Variants in MNAT1 observed in about 807,000 individuals in gnomAD.
MNAT1 encodes the protein CDK-activating kinase assembly factor MAT1.
In MNAT1, 43 loss-of-function variants were observed where a neutral mutation model predicts 42.0. The ratio of observed to expected loss-of-function variants is 1.02; its 90% CI spans 0.80 to 1.32. MNAT1 has a LOEUF of 1.32. Among genes scored for constraint, MNAT1 ranks in the 40% most tolerant of loss-of-function variants. The probability of loss-of-function intolerance (pLI) is 0.00; values close to 1 mark genes in which losing one functional copy is unlikely to be tolerated. For missense variants in MNAT1, 306 were observed against 350.4 expected (o/e 0.87, Z 1.01); for synonymous variants, 118 against 120.0 (o/e 0.98, Z 0.11).
At chr14:60,920,583 C>T (rs1369240263) in intron 7 of MNAT1, among the ~76,000 whole-genome samples, 1 of 151,968 alleles carries the variant, frequency 6.6e-6, no homozygotes, top group Non-Finnish European at 1.5e-5. Flanking sequence ...GTAATCATTA[C>T]AGGCCCACCA....
intron 6 of MNAT1, among the ~76,000 whole-genome samples, chr14:60,859,120 G>T (rs1006185548): frequency 6.6e-6 from 1 of 152,178 alleles, no homozygotes; most frequent in South Asian, 2.1e-4. Context: ...TGCATTAATA[G>T]ATACATTGAA....
At chr14:60,762,737 G>A (rs2030660093) in intron 1 of MNAT1, among the ~76,000 whole-genome samples, 1 of 148,084 alleles carries the variant, frequency 6.8e-6, no homozygotes, top group Non-Finnish European at 1.5e-5. Flanking sequence ...ACATTGTGTG[G>A]TAAAATGATT....
intron 6 of MNAT1, among the ~76,000 whole-genome samples, chr14:60,872,292 C>T (rs2034342264): frequency 6.6e-6 from 1 of 152,166 alleles, no homozygotes; most frequent in East Asian, 1.9e-4. Flanking sequence ...ATGAAGGCTC[C>T]AGTCCCATGA....
chr14:60,797,353 G>A (rs2032051847), intron 2 of MNAT1, among the ~76,000 whole-genome samples: 1 of 151,828 alleles, frequency 6.6e-6, no homozygotes, highest in South Asian at 2.1e-4. Flanking sequence ...TCTTGATCCA[G>A]TATTTTTTAG....
At chr14:60,844,723 T>C (rs1233975362) in intron 6 of MNAT1, among the ~76,000 whole-genome samples, 1 of 152,074 alleles carries the variant, frequency 6.6e-6, no homozygotes, top group Non-Finnish European at 1.5e-5. Flanking sequence ...AGAGAAATCA[T>C]TTAGTCTTTT....
At chr14:60,770,837 T>C (rs1173514283) in intron 1 of MNAT1, among the ~76,000 whole-genome samples, 1 of 152,242 alleles carries the variant, frequency 6.6e-6, no homozygotes, top group Non-Finnish European at 1.5e-5. Flanking sequence ...GTTATATTTT[T>C]GATATTCACA....
At chr14:60,948,576 T>C (rs2036325331) in intron 7 of MNAT1, among the ~76,000 whole-genome samples, 3 of 152,228 alleles carry the variant, frequency 2.0e-5, no homozygotes, top group Non-Finnish European at 4.4e-5. Flanking sequence ...ATTATCATTT[T>C]CCTTTCATGT....
At position 60,765,392 on chromosome 14, in the gene MNAT1, G is replaced by C. The variant is rs191520601; in HGVS notation, c.89+30441G>C. ...TGTCGGTGGGTTGGGGGCTAGTTGAGGGATAGCATTAGGAGAAATACCTGA... is the reference window on the plus strand; with the variant it reads ...TGTCGGTGGGTTGGGGGCTAGTTGACGGATAGCATTAGGAGAAATACCTGA... On this transcript the variant is annotated intron_variant, in intron 1 of 7. Transcript: ENST00000261245. 1.7e-3 allele frequency among the ~76,000 whole-genome samples: 262 copies of C among 152,274 alleles called. 1 individual carries two copies. The highest frequency in any genetic ancestry group is 5.6e-3 in the African/African-American group (232 of 41,538).
chr14:60,882,091 G>A lies in MNAT1; in HGVS notation c.809+2256G>A, dbSNP rs183322522. On this transcript the variant is annotated intron_variant, in intron 7 of 7. Transcript: ENST00000261245. ...CAGGAGAATCACTTGAACCTGGGAGGCAGAGGTTGCAGTGAGCCAAGATTG... is the reference window on the plus strand; with the variant it reads ...CAGGAGAATCACTTGAACCTGGGAGACAGAGGTTGCAGTGAGCCAAGATTG... Among the ~76,000 whole-genome samples, 191 of 152,280 alleles carry A rather than the reference G, an allele frequency of 1.3e-3. 2 individuals are homozygous for A. In the Middle Eastern group the frequency reaches 0.017, roughly 14 times the overall value.
At chr14:60,854,798 G>A (rs1271306235) in intron 6 of MNAT1, among the ~76,000 whole-genome samples, 1 of 152,210 alleles carries the variant, frequency 6.6e-6, no homozygotes, top group Non-Finnish European at 1.5e-5. Context: ...ACTTGAGCAG[G>A]CAGTCTGTCC....
chr14:60,902,918 C>T (rs951674627), intron 7 of MNAT1, among the ~76,000 whole-genome samples: 1 of 151,666 alleles, frequency 6.6e-6, no homozygotes, highest in Non-Finnish European at 1.5e-5. Context: ...AGGTGAATAT[C>T]TGGGTTTTTA....
chr14:60,932,227 C>T (rs1335841271), intron 7 of MNAT1, among the ~76,000 whole-genome samples: 4 of 151,818 alleles, frequency 2.6e-5, no homozygotes, highest in Non-Finnish European at 1.5e-5. Flanking sequence ...GCTCATATTT[C>T]TTAAATTTTT....
intron 1 of MNAT1, among the ~76,000 whole-genome samples, chr14:60,785,864 C>T (rs1222654173): frequency 6.6e-6 from 1 of 152,042 alleles, no homozygotes; most frequent in Middle Eastern, 3.2e-3. Flanking sequence ...ATAGAAATAG[C>T]ATCTTGACTA....
intron 7 of MNAT1, among the ~76,000 whole-genome samples, chr14:60,898,311 T>C (rs1203480063): frequency 6.6e-6 from 1 of 152,138 alleles, no homozygotes; most frequent in Non-Finnish European, 1.5e-5. Flanking sequence ...TGCTGGATCA[T>C]ATAGTTCTAT....
chr14:60,750,269 C>T (rs1488890869), intron 1 of MNAT1, among the ~76,000 whole-genome samples: 2 of 151,560 alleles, frequency 1.3e-5, no homozygotes, highest in African/African-American at 4.8e-5. Context: ...TTCTGTCGCC[C>T]AGGCTGGAGT....
intron 6 of MNAT1, among the ~76,000 whole-genome samples, chr14:60,866,903 TATA>T (rs1297316790): frequency 2.0e-5 from 3 of 152,232 alleles, no homozygotes; most frequent in African/African-American, 7.2e-5. Context: ...TTTATATTGA[TATA>T]ATAAGAATTC....
At chr14:60,905,562 C>T (rs573417423) in intron 7 of MNAT1, among the ~76,000 whole-genome samples, 3 of 152,114 alleles carry the variant, frequency 2.0e-5, no homozygotes, top group Non-Finnish European at 4.4e-5. Flanking sequence ...GTATAACTCA[C>T]GCTGAATCCA....
At chr14:60,943,972 G>T (rs1274191033) in intron 7 of MNAT1, among the ~76,000 whole-genome samples, 1 of 152,162 alleles carries the variant, frequency 6.6e-6, no homozygotes, top group Non-Finnish European at 1.5e-5. Context: ...TATATAGGAT[G>T]AACAAATTAT....
rs188783487 is a variant in MNAT1 at position 60,938,412 on chromosome 14, A to G, written c.810-29817A>G. ...TTGAGATATGTCCCATCAATAACTA[A>G]TTTATTGAGAGTTTTTAGCATGAAG... is the stretch of plus-strand genomic sequence containing the variant. On this transcript the variant is annotated intron_variant, in intron 7 of 7. Coordinates refer to ENST00000261245, the MANE Select transcript of MNAT1 (RefSeq NM_002431.4). Among the ~76,000 whole-genome samples, 138 of 152,202 alleles carry G rather than the reference A, an allele frequency of 9.1e-4. 2 individuals are homozygous for G. Among genetic ancestry groups the G allele is most frequent in the African/African-American group, 3.1e-3 (128 of 41,524 alleles).
Sources: allele counts gnomAD v4.1 joint callset (sites outside exome capture counted in the v4.1 genomes callset), GRCh38; gene constraint gnomAD v4.1.1; transcripts MANE v1.5; gene names NCBI Gene and HGNC (gene_info 2026-07-23, HGNC 2026-07-21).